Variants in KHDC1 observed in about 807,000 individuals in gnomAD.
The protein encoded by KHDC1 is KH homology domain-containing protein 1.
KHDC1 carries 21 observed loss-of-function variants against 24.7 expected under a neutral mutation model. That is an observed-to-expected ratio of 0.85 (90% CI 0.60 to 1.23). KHDC1 has a LOEUF of 1.23. Among genes scored for constraint, KHDC1 ranks in the 50% most tolerant of loss-of-function variants. The pLI, the probability that KHDC1 is intolerant of heterozygous loss-of-function variation, is 0.00. For synonymous variants in KHDC1, 98 were observed against 111.7 expected, an observed-to-expected ratio of 0.88 and a Z score of 0.77; for missense variants, 274 against 298.5, an observed-to-expected ratio of 0.92 and a Z score of 0.61.
chr6:73,255,727 T>C (rs61493410), intron 2 of KHDC1, among the ~76,000 whole-genome samples: 53,032 of 149,166 alleles, frequency 0.36, 12,574 homozygotes, highest in African/African-American at 0.69. Context: ...CACAGTGAAA[T>C]CCCATCTCTA....
At chr6:73,281,246 GGA>G (rs1767401083) in intron 2 of KHDC1, among the ~76,000 whole-genome samples, 1 of 152,026 alleles carries the variant, frequency 6.6e-6, no homozygotes, top group Non-Finnish European at 1.5e-5. Context: ...GGCTAAGGCA[GGA>G]GAATCACTTG....
chr6:73,243,050 G>C (rs973779971), intron 2 of KHDC1, among the ~76,000 whole-genome samples: 6 of 152,110 alleles, frequency 3.9e-5, no homozygotes, highest in Non-Finnish European at 5.9e-5. Flanking sequence ...GGAGTTGACT[G>C]GGTGAGTCTA....
chr6:73,241,826 C>T (rs1030601678), intron 4 of KHDC1, 98 bp from the exon 4 acceptor site: 13 of 1,356,508 alleles, frequency 9.6e-6, no homozygotes, highest in Non-Finnish European at 1.0e-5. Flanking sequence ...GAGGATGTCA[C>T]CCCAGCCCAG....
chr6:73,271,769 C>A (rs1002243719), intron 2 of KHDC1, among the ~76,000 whole-genome samples: 26 of 151,670 alleles, frequency 1.7e-4, no homozygotes, highest in African/African-American at 6.0e-4. Context: ...CCGCGCATGC[C>A]TGTAATCCCA....
chr6:73,305,493 C>T (rs1205067134), intron 1 of KHDC1, among the ~76,000 whole-genome samples: 1 of 151,888 alleles, frequency 6.6e-6, no homozygotes, highest in Non-Finnish European at 1.5e-5. Context: ...ATCAGAGAAC[C>T]AATCTCATGG....
chr6:73,309,971 T>C, exon 1 of KHDC1: 3 of 452,188 alleles, frequency 6.6e-6, no homozygotes, highest in Non-Finnish European at 7.8e-6. Flanking sequence ...GGGCTCAAGC[T>C]CCAGGCTCGG....
intron 2 of KHDC1, chr6:73,274,162 A>G (rs891001504): frequency 2.0e-5 from 3 of 152,196 alleles, no homozygotes; most frequent in Non-Finnish European, 2.9e-5. Context: ...TATTAAATCA[A>G]TTTTTATCCA....
At chr6:73,281,086 G>A (rs754448857) in intron 2 of KHDC1, among the ~76,000 whole-genome samples, 5 of 152,032 alleles carry the variant, frequency 3.3e-5, no homozygotes, top group Non-Finnish European at 7.4e-5. Context: ...GTGCCTGTCT[G>A]TAATCCCAGC....
chr6:73,303,119 A>G (rs1379981841), intron 1 of KHDC1, among the ~76,000 whole-genome samples: 1 of 152,216 alleles, frequency 6.6e-6, no homozygotes, highest in African/African-American at 2.4e-5. Context: ...ATTTTCGGTG[A>G]CATGGATAAA....
chr6:73,290,998 A>G (rs1490426916), intron 2 of KHDC1: 2 of 358,876 alleles, frequency 5.6e-6, no homozygotes, highest in Admixed American at 3.5e-5. Context: ...CCTGATCTCT[A>G]CTTCTATAGA....
chr6:73,306,003 A>C (rs1767955676), intron 1 of KHDC1, among the ~76,000 whole-genome samples: 1 of 152,104 alleles, frequency 6.6e-6, no homozygotes, highest in African/African-American at 2.4e-5. Flanking sequence ...TAAGTCTGTA[A>C]GTTTTGGGTT....
chr6:73,288,267 T>C (rs1364036897), intron 2 of KHDC1, among the ~76,000 whole-genome samples: 2 of 152,214 alleles, frequency 1.3e-5, no homozygotes, highest in Admixed American at 6.5e-5. Context: ...ATATGAGATA[T>C]GCAGCCACTG....
chr6:73,309,837 C>T (rs1768047365), exon 1 of KHDC1: 2 of 1,238,288 alleles, frequency 1.6e-6, no homozygotes, highest in Non-Finnish European at 2.2e-6. Context: ...AAGTTCAGGA[C>T]GCGAAGGAAA....
At chr6:73,297,613 T>C (rs892875323) in intron 1 of KHDC1, among the ~76,000 whole-genome samples, 1 of 152,164 alleles carries the variant, frequency 6.6e-6, no homozygotes, top group African/African-American at 2.4e-5. Flanking sequence ...AACCAATTTA[T>C]ATACTCACTA....
intron 1 of KHDC1, chr6:73,292,427 G>T (rs1432047350): frequency 3.9e-6 from 3 of 776,412 alleles, no homozygotes; most frequent in East Asian, 2.4e-5. Context: ...TTTTTTCAGA[G>T]TGTTGGTTCC....
At chr6:73,294,462 G>A (rs917555157) in intron 1 of KHDC1, among the ~76,000 whole-genome samples, 7 of 152,098 alleles carry the variant, frequency 4.6e-5, no homozygotes, top group African/African-American at 1.7e-4. Context: ...TTCCTAATTT[G>A]ATATGTAGCA....
chr6:73,248,546 G>C (rs960931708), intron 2 of KHDC1, among the ~76,000 whole-genome samples: 8 of 151,968 alleles, frequency 5.3e-5, no homozygotes, highest in Non-Finnish European at 1.0e-4. Flanking sequence ...TTGCCCAGAG[G>C]GAAAAATAAG....
chr6:73,242,308 G>A, intron 3 of KHDC1, 71 bp from the exon 3 acceptor site: 1 of 1,605,210 alleles, frequency 6.2e-7, no homozygotes, highest in Non-Finnish European at 8.5e-7. Context: ...GTGGCCTTCA[G>A]GGTAGGAATA....
At chr6:73,247,178 A>C (rs530650477) in intron 2 of KHDC1, among the ~76,000 whole-genome samples, 19 of 152,026 alleles carry the variant, frequency 1.2e-4, no homozygotes, top group African/African-American at 4.3e-4. Flanking sequence ...GGGTTTCACC[A>C]TGTCGGCCAG....
Sources: allele counts gnomAD v4.1 joint callset (sites outside exome capture counted in the v4.1 genomes callset), GRCh38; gene constraint gnomAD v4.1.1; transcripts MANE v1.5; gene names NCBI Gene and HGNC (gene_info 2026-07-23, HGNC 2026-07-21).